The following DLGAP1 variants were observed in gnomAD, a reference collection of about 807,000 sequenced individuals.
DLGAP1 encodes the protein DLG associated protein 1.
A neutral mutation model predicts 90.8 loss-of-function variants in DLGAP1; 11 were observed. The observed-to-expected ratio is 0.12, with a 90% CI of 0.08 to 0.20. The LOEUF (loss-of-function observed/expected upper bound fraction) is 0.20. Ranked by LOEUF, DLGAP1 falls within the 10% of genes least tolerant of loss-of-function variation. The pLI, the probability that DLGAP1 is intolerant of heterozygous loss-of-function variation, is 1.00. For synonymous variants in DLGAP1, 558 were observed against 540.7 expected (o/e 1.03, Z -0.44); for missense variants, 1,050 against 1,333.8 (o/e 0.79, Z 3.31).
At position 3,496,585 on chromosome 18, in the gene DLGAP1, C is replaced by T. The variant is rs1223828143; in HGVS notation, c.*2600G>A. On this transcript the variant is annotated 3_prime_UTR_variant, in exon 13 of 13. Transcript: ENST00000315677. ...GACAAACTTCTTTTGTAATCCCCCC[C>T]TCCCCAAGAAAATGCCCAACACCTT... 6.6e-6 allele frequency: 1 copy of T among 152,104 alleles called. No homozygotes were observed. The highest frequency in any genetic ancestry group is 6.5e-5 in the Admixed American group (1 of 15,278). 9.4% of individuals were successfully genotyped at this position (152,104 alleles called of 1,614,324 possible). A position where few individuals can be genotyped will look rare whatever the true frequency, so the allele number is the denominator to read the frequency against.
chr18:3,598,664 T>C (rs116370695), intron 7 of DLGAP1, among the ~76,000 whole-genome samples: 3,624 of 152,102 alleles, frequency 0.024, 84 homozygotes, highest in African/African-American at 0.058. Context: ...GATGAGGTTT[T>C]AACTTGTTAG....
At chr18:3,872,768 T>G (rs2070831145) in intron 4 of DLGAP1, among the ~76,000 whole-genome samples, 1 of 152,228 alleles carries the variant, frequency 6.6e-6, no homozygotes, top group Non-Finnish European at 1.5e-5. Flanking sequence ...GAATGGTGAA[T>G]GATTACCTTG....
intron 12 of DLGAP1, chr18:3,502,238 T>C: frequency 7.4e-7 from 1 of 1,351,788 alleles, no homozygotes; most frequent in Non-Finnish European, 9.5e-7. Context: ...TAACTTAAAG[T>C]TTAATTAACA....
At chr18:4,306,648 TATA>T (rs2080271993) in intron 1 of DLGAP1, among the ~76,000 whole-genome samples, 1 of 152,178 alleles carries the variant, frequency 6.6e-6, no homozygotes, top group Non-Finnish European at 1.5e-5. Flanking sequence ...TATTACATTT[TATA>T]ATAAGTTTCC....
chr18:4,220,929 T>A (rs946329108), intron 1 of DLGAP1, among the ~76,000 whole-genome samples: 1 of 152,180 alleles, frequency 6.6e-6, no homozygotes, highest in Admixed American at 6.5e-5. Context: ...CTGTGCTTTT[T>A]CTATGTTTAG....
intron 2 of DLGAP1, among the ~76,000 whole-genome samples, chr18:4,105,035 T>TG (rs2075836868): frequency 6.6e-6 from 1 of 152,126 alleles, no homozygotes; most frequent in African/African-American, 2.4e-5. Context: ...GCACACATGC[T>TG]GGGGCTAGGC....
At chr18:3,774,707 A>G (rs1343022455) in intron 5 of DLGAP1, 1 of 152,176 alleles carries the variant, frequency 6.6e-6, no homozygotes, top group Non-Finnish European at 1.5e-5. Context: ...TGGTCAGGTC[A>G]TAAGTTTACA....
At chr18:3,621,707 G>C (rs1384943966) in intron 7 of DLGAP1, among the ~76,000 whole-genome samples, 5 of 152,354 alleles carry the variant, frequency 3.3e-5, no homozygotes, top group Admixed American at 3.3e-4. Flanking sequence ...ACCCTGGCTT[G>C]GGAGGCTGCC....
At chr18:3,576,036 T>C (rs1302051166) in intron 8 of DLGAP1, among the ~76,000 whole-genome samples, 1 of 152,148 alleles carries the variant, frequency 6.6e-6, no homozygotes, top group African/African-American at 2.4e-5. Flanking sequence ...GTTTTGGTGA[T>C]TTGCTTACTG....
At chr18:3,704,591 A>G (rs1170442589) in intron 7 of DLGAP1, among the ~76,000 whole-genome samples, 1 of 152,018 alleles carries the variant, frequency 6.6e-6, no homozygotes, top group East Asian at 1.9e-4. Flanking sequence ...AAAAAGAAAA[A>G]GAAAAAATTA....
chr18:4,316,758 A>G (rs747815981), intron 1 of DLGAP1, among the ~76,000 whole-genome samples: 2 of 152,110 alleles, frequency 1.3e-5, no homozygotes, highest in African/African-American at 2.4e-5. Context: ...CTGTGCCCCG[A>G]TGTGATTAAA....
chr18:3,799,934 A>AG (rs1199083837), intron 5 of DLGAP1, among the ~76,000 whole-genome samples: 1 of 152,206 alleles, frequency 6.6e-6, no homozygotes, highest in Non-Finnish European at 1.5e-5. Flanking sequence ...ATATTCAAAA[A>AG]GGAAGAGAAG....
At chr18:4,253,643 C>T (rs1598734081) in intron 1 of DLGAP1, among the ~76,000 whole-genome samples, 1 of 152,248 alleles carries the variant, frequency 6.6e-6, no homozygotes, top group African/African-American at 2.4e-5. Context: ...CTCCTGGCCT[C>T]AAGTGATTCA....
chr18:4,328,982 T>C (rs1255648555), intron 1 of DLGAP1, among the ~76,000 whole-genome samples: 1 of 152,038 alleles, frequency 6.6e-6, no homozygotes, highest in Non-Finnish European at 1.5e-5. Flanking sequence ...TCCCAGTCTG[T>C]AGCTGGTCTT....
intron 7 of DLGAP1, among the ~76,000 whole-genome samples, chr18:3,600,881 G>GATATATAGATAGATAT (rs2056931862): frequency 2.0e-4 from 2 of 9,922 alleles, no homozygotes; most frequent in African/African-American, 5.9e-4. Context: ...TAGATATATA[G>GATATATAGATAGATAT]ATAGATATAT....
rs184364556 is a variant in DLGAP1, at chr18:4,172,012, G to C, written c.-266-20725C>G. 1.8e-3 allele frequency among the ~76,000 whole-genome samples: 278 copies of C among 152,272 alleles called. 1 individual carries two copies. Among genetic ancestry groups the C allele is most frequent in the African/African-American group, 5.6e-3 (233 of 41,556 alleles). On this transcript the variant is annotated intron_variant, in intron 1 of 12. Transcript: ENST00000315677. Reference sequence around the variant, plus strand: ...CACTTGAGATAAAGAAGATCAGATGGAAGACAATCATTATGATAATGAGTT... The same window carrying C: ...CACTTGAGATAAAGAAGATCAGATGCAAGACAATCATTATGATAATGAGTT...
At chr18:3,586,147 T>C (rs1372748690) in intron 7 of DLGAP1, among the ~76,000 whole-genome samples, 1 of 152,172 alleles carries the variant, frequency 6.6e-6, no homozygotes, top group Non-Finnish European at 1.5e-5. Flanking sequence ...ACTGGAGACA[T>C]GGCTTCTCCA....
intron 1 of DLGAP1, among the ~76,000 whole-genome samples, chr18:4,207,503 A>G (rs1334347310): frequency 6.6e-6 from 1 of 152,238 alleles, no homozygotes; most frequent in Admixed American, 6.5e-5. Flanking sequence ...CGCAAAGAAG[A>G]TAACATCTAA....
At chr18:3,629,518 A>G (rs1217274794) in intron 7 of DLGAP1, among the ~76,000 whole-genome samples, 6 of 151,938 alleles carry the variant, frequency 3.9e-5, no homozygotes, top group Admixed American at 3.9e-4. Flanking sequence ...AAAAATACAA[A>G]AAAATTAGCC....
Sources: gnomAD v4.1 joint callset for allele counts (sites outside exome capture counted in the v4.1 genomes callset) on GRCh38, gnomAD v4.1.1 for gene constraint, MANE v1.5 for transcripts, NCBI Gene and HGNC (gene_info 2026-07-23, HGNC 2026-07-21) for gene names.